The following USP34 variants were observed in gnomAD, a reference collection of about 807,000 sequenced individuals.
The protein encoded by USP34 is ubiquitin specific peptidase 34.
In USP34, 70 loss-of-function variants were observed where a neutral mutation model predicts 460.3. That is an observed-to-expected ratio of 0.15 (90% CI 0.13 to 0.19). USP34 has a LOEUF of 0.19. Ranked by LOEUF, USP34 falls within the 10% of genes least tolerant of loss-of-function variation. The probability of loss-of-function intolerance (pLI) is 1.00; values close to 1 mark genes in which losing one functional copy is unlikely to be tolerated. For synonymous variants in USP34, 1,647 were observed against 1,405.3 expected (o/e 1.17, Z -3.85); for missense variants, 3,985 against 4,236.2 (o/e 0.94, Z 1.65).
At chr2:61,306,526 T>C (rs1252448809) in intron 27 of USP34, among the ~76,000 whole-genome samples, 1 of 152,210 alleles carries the variant, frequency 6.6e-6, no homozygotes, top group East Asian at 1.9e-4. Flanking sequence ...TTTGTTCTTT[T>C]GGCTTAGGAT....
At chr2:61,390,481 G>A (rs1693310235) in intron 5 of USP34, among the ~76,000 whole-genome samples, 1 of 152,176 alleles carries the variant, frequency 6.6e-6, no homozygotes, top group African/African-American at 2.4e-5. Context: ...TGCAAAGTAA[G>A]AAAACTACAT....
chr2:61,342,289 C>T (rs1691627920), intron 16 of USP34, among the ~76,000 whole-genome samples: 1 of 137,394 alleles, frequency 7.3e-6, no homozygotes, highest in Non-Finnish European at 1.5e-5. Flanking sequence ...TACTTACTGG[C>T]CGTTTCCTTT....
At position 61,196,380 on chromosome 2, in the gene USP34, G is replaced by A. The variant is rs62151048; in HGVS notation, c.9509-3400C>T. Among the ~76,000 whole-genome samples, 958 of 150,856 alleles carry A rather than the reference G, an allele frequency of 6.4e-3. 13 individuals carry two copies. Among genetic ancestry groups the A allele is most frequent in the Non-Finnish European group, 9.3e-3 (628 of 67,664 alleles). On this transcript the variant is annotated intron_variant, in intron 75 of 79. Transcript: ENST00000398571. ...GCTGGGATTACAGGCGTGAGCCACC[G>A]CGCCCGGCCAATTTCTGTATTTTTT...
intron 41 of USP34, among the ~76,000 whole-genome samples, chr2:61,266,960 G>A (rs1399426392): frequency 1.3e-5 from 2 of 152,198 alleles, no homozygotes; most frequent in East Asian, 3.8e-4. Context: ...GGAGTCTGGA[G>A]TTGGGGCAAC....
chr2:61,322,381 A>T (rs1183082263), intron 21 of USP34, among the ~76,000 whole-genome samples: 1 of 152,230 alleles, frequency 6.6e-6, no homozygotes, highest in East Asian at 1.9e-4. Context: ...TACTGTACCC[A>T]ATTATTATTA....
At chr2:61,423,625 G>T (rs1415080201) in intron 1 of USP34, among the ~76,000 whole-genome samples, 3 of 152,090 alleles carry the variant, frequency 2.0e-5, no homozygotes, top group African/African-American at 7.2e-5. Flanking sequence ...CACCCAAATT[G>T]ATTTATGAAT....
At chr2:61,347,807 T>C in intron 15 of USP34, 63 bp downstream of exon 15, 9 of 1,565,400 alleles carry the variant, frequency 5.7e-6, no homozygotes, top group Non-Finnish European at 7.8e-6. Flanking sequence ...GCAAATTGAA[T>C]ATAGGATATA....
intron 29 of USP34, 111 bp from the exon 30 acceptor site, chr2:61,297,036 ACT>A: frequency 2.2e-6 from 3 of 1,369,826 alleles, no homozygotes; most frequent in Non-Finnish European, 3.0e-6. Flanking sequence ...TTTTAGCCTC[ACT>A]TTTTGAAAAG....
chr2:61,410,665 T>G (rs964655063), intron 2 of USP34, among the ~76,000 whole-genome samples: 2 of 152,196 alleles, frequency 1.3e-5, no homozygotes, highest in African/African-American at 4.8e-5. Flanking sequence ...ACACATAAAC[T>G]TTACTTGTTC....
In USP34 at chr2:61,272,182, C is replaced by T. The variant is rs1024574611; in HGVS notation, c.5433+5983G>A. On this transcript the variant is annotated intron_variant, in intron 41 of 79. Coordinates refer to ENST00000398571, the MANE Select transcript of USP34 (RefSeq NM_014709.4). ...ATCCCAGCACTTTGGGAGGCAGAGGCGGGCAGATCGTGAGGTCAGGATATC... is the reference window on the plus strand; with the variant it reads ...ATCCCAGCACTTTGGGAGGCAGAGGTGGGCAGATCGTGAGGTCAGGATATC... Among the ~76,000 whole-genome samples the T allele has an allele frequency of 7.9e-5, 12 of 152,166 alleles. No homozygotes were observed. In the East Asian group the frequency reaches 9.7e-4, roughly 12 times the overall value.
intron 1 of USP34, among the ~76,000 whole-genome samples, chr2:61,452,376 G>A (rs549896074): frequency 7.3e-6 from 1 of 136,214 alleles, no homozygotes; most frequent in African/African-American, 2.8e-5. Context: ...CCAGGCTAGA[G>A]TGTAGTGGCG....
chr2:61,223,573 CTT>C (rs569962717), intron 62 of USP34: 1,381 of 228,464 alleles, frequency 6.0e-3, no homozygotes, highest in Middle Eastern at 0.015. Flanking sequence ...ATTTTACTTA[CTT>C]TTTTTTTTTT....
intron 10 of USP34, among the ~76,000 whole-genome samples, chr2:61,366,331 G>C (rs1412429712): frequency 6.6e-6 from 1 of 152,220 alleles, no homozygotes; most frequent in Non-Finnish European, 1.5e-5. Context: ...ACATAACTGA[G>C]AAAGATTCTG....
At chr2:61,313,868 C>A (rs992521481) in intron 25 of USP34, among the ~76,000 whole-genome samples, 3 of 152,018 alleles carry the variant, frequency 2.0e-5, no homozygotes, top group African/African-American at 7.2e-5. Flanking sequence ...ACTTGTATCA[C>A]TTCAATATCA....
intron 2 of USP34, among the ~76,000 whole-genome samples, chr2:61,407,521 A>G (rs1462511551): frequency 6.6e-6 from 1 of 152,250 alleles, no homozygotes; most frequent in Admixed American, 6.5e-5. Context: ...TGTAGTCCAA[A>G]TAGATCACCA....
At chr2:61,321,095 G>C (rs141046060) in intron 21 of USP34, among the ~76,000 whole-genome samples, 2 of 151,980 alleles carry the variant, frequency 1.3e-5, no homozygotes, top group South Asian at 2.1e-4. Context: ...AAGGCTCTTC[G>C]AGCCCAGGAG....
At chr2:61,204,731 C>G (rs889862756) in intron 72 of USP34, 130 bp from the exon 73 acceptor site, 2 of 683,186 alleles carry the variant, frequency 2.9e-6, no homozygotes, top group Non-Finnish European at 2.5e-6. Flanking sequence ...GCTCCTGACA[C>G]GAGTAGAAAT....
intron 75 of USP34, among the ~76,000 whole-genome samples, chr2:61,194,953 A>C (rs1201722242): frequency 4.3e-5 from 1 of 23,292 alleles, no homozygotes; most frequent in East Asian, 1.4e-3. Context: ...AACTCTGTCA[A>C]AAAAAAAAAA....
At chr2:61,200,727 T>TA (rs925838680) in intron 75 of USP34, 1 of 152,318 alleles carries the variant, frequency 6.6e-6, no homozygotes, top group African/African-American at 2.4e-5. Context: ...TTGCCAAATA[T>TA]AATTTCTTGA....
Sources: allele counts gnomAD v4.1 joint callset (sites outside exome capture counted in the v4.1 genomes callset), GRCh38; gene constraint gnomAD v4.1.1; transcripts MANE v1.5; gene names NCBI Gene and HGNC (gene_info 2026-07-23, HGNC 2026-07-21).